Variants in MARCHF7 observed in about 807,000 individuals in gnomAD.
The protein encoded by MARCHF7 is E3 ubiquitin-protein ligase MARCHF7.
Under a neutral mutation model 76.5 loss-of-function variants are expected in MARCHF7, and 20 were observed. The ratio of observed to expected loss-of-function variants is 0.26; its 90% CI spans 0.18 to 0.38. The LOEUF is 0.38. MARCHF7 is among the 10% of genes least tolerant of loss of function. The probability of loss-of-function intolerance (pLI) is 1.00; values close to 1 mark genes in which losing one functional copy is unlikely to be tolerated. For missense variants in MARCHF7, 797 were observed against 812.9 expected (o/e 0.98, Z 0.24); for synonymous variants, 295 against 293.0 (o/e 1.01, Z -0.07).
At chr2:159,733,420 T>A in intron 4 of MARCHF7, 1 of 629,130 alleles carries the variant, frequency 1.6e-6, no homozygotes, top group Non-Finnish European at 2.0e-6. Flanking sequence ...AAATTTTTTG[T>A]AGATGTGAAG....
At chr2:159,737,262 A>C (rs1703569552) in intron 4 of MARCHF7, among the ~76,000 whole-genome samples, 1 of 152,222 alleles carries the variant, frequency 6.6e-6, no homozygotes, top group African/African-American at 2.4e-5. Context: ...ATATTTGCAA[A>C]GTATATATCT....
At chr2:159,749,349 TTTGTTGTTG>T (rs1553783667) in intron 7 of MARCHF7, among the ~76,000 whole-genome samples, 1 of 151,368 alleles carries the variant, frequency 6.6e-6, no homozygotes, top group African/African-American at 2.4e-5. Context: ...TTTGTTTTTT[TTTGTTGTTG>T]TTGTTGTTGT....
rs1366336059 is a variant in MARCHF7, at chr2:159,768,583, T to G, written c.*1241T>G. 1 of 152,626 alleles carries G rather than the reference T, an allele frequency of 6.6e-6. No individual in the cohort carries two copies. The highest frequency in any genetic ancestry group is 2.4e-5 in the African/African-American group (1 of 41,468). The allele number at this position is 152,626 out of a possible 1,614,324, so 9.5% of individuals were successfully genotyped here. A position where few individuals can be genotyped will look rare whatever the true frequency, so the allele number is the denominator to read the frequency against. On this transcript the variant is annotated 3_prime_UTR_variant, in exon 12 of 12. Transcript: ENST00000409175. Reference sequence around the variant, plus strand: ...AGTACACACTGATTTATTTTACTGTTTGAAATGTTTCCTTTTAAACTGGTG... The same window carrying G: ...AGTACACACTGATTTATTTTACTGTGTGAAATGTTTCCTTTTAAACTGGTG...
chr2:159,748,114 G>C lies in MARCHF7; in HGVS notation c.824G>C (p.Gly275Ala). Residue 275 changes from glycine to alanine, a missense_variant, in exon 7 of 12, where the codon GGT (glycine) becomes GCT (alanine). By Grantham distance (60) the Gly-to-Ala change is moderately conservative. Transcript: ENST00000409175. Reference protein sequence around the residue: ...RPFQESSDNEGRRTTRRLLSR... With the variant: ...RPFQESSDNEARRTTRRLLSR... ...TTTCAAGAATCTTCTGACAATGAAG[G>C]TAGGCGGACAACGAGGAGATTGCTG... is the stretch of plus-strand genomic sequence containing the variant. The C allele has an allele frequency of 1.9e-6, 3 of 1,613,924 alleles. No individual in the cohort carries two copies. In the African/African-American group the frequency reaches 4.0e-5, roughly 22 times the overall value.
intron 4 of MARCHF7, among the ~76,000 whole-genome samples, chr2:159,742,138 G>A (rs1704199015): frequency 6.6e-6 from 1 of 152,092 alleles, no homozygotes; most frequent in Non-Finnish European, 1.5e-5. Flanking sequence ...TTGTTTACAA[G>A]CTTTATTTTG....
Position 159,748,012 on chromosome 2 carries a change from G to T in MARCHF7, c.722G>T (p.Gly241Val). 6.2e-7 allele frequency: 1 copy of T among 1,614,108 alleles called. No individual in the cohort carries two copies. Among genetic ancestry groups the T allele is most frequent in the Non-Finnish European group, 8.5e-7 (1 of 1,180,014 alleles). Residue 241 changes from glycine (G) to valine (V), a missense_variant, in exon 7 of 12, where the codon GGA becomes GTA. Physicochemically the swap from Gly to Val is moderately radical, Grantham distance 109. Around this residue, in one of 3 missense-constraint regions of MARCHF7, gnomAD observed 643 missense variants for 631.5 expected, o/e 1.02. Coordinates refer to ENST00000409175, the MANE Select transcript of MARCHF7 (RefSeq NM_001282805.2). ...SESSRSNTQP[G>V]FSYSSSRDEA... ...TCTTCCCGAAGCAATACGCAGCCTG[G>T]ATTTTCTTACAGTTCAAGTAGAGAT...
intron 4 of MARCHF7, among the ~76,000 whole-genome samples, 173 bp downstream of exon 4, chr2:159,729,348 A>G (rs1702513200): frequency 1.3e-5 from 2 of 152,168 alleles, no homozygotes; most frequent in Admixed American, 1.3e-4. Context: ...CTTCAGAATT[A>G]TGGATAACAG....
At chr2:159,745,285 A>C (rs1306164997) in intron 5 of MARCHF7, among the ~76,000 whole-genome samples, 3 of 152,218 alleles carry the variant, frequency 2.0e-5, no homozygotes, top group Admixed American at 6.5e-5. Flanking sequence ...ATAAGTGATT[A>C]GTTCATTTGT....
Position 159,759,308 on chromosome 2 carries a change from A to G in MARCHF7, c.1866A>G (p.Glu622=). Residue 622 remains glutamate, a synonymous_variant, in exon 9 of 12, where the codon GAA becomes GAG. Transcript: ENST00000409175. The part of the protein sequence containing the change: ...ELNLEDFDIH[E]LHRAHANEQA... ...ACCTGGAGGATTTTGATATTCATGA[A>G]CTACATAGAGCTCATGCAAATGAAC... 1 of 1,607,920 alleles carries G rather than the reference A, an allele frequency of 6.2e-7. No individual in the cohort carries two copies. Among genetic ancestry groups the G allele is most frequent in the Non-Finnish European group, 8.5e-7 (1 of 1,174,694 alleles).
intron 11 of MARCHF7, among the ~76,000 whole-genome samples, chr2:159,766,270 G>A (rs1429777792): frequency 1.3e-5 from 2 of 152,106 alleles, no homozygotes; most frequent in African/African-American, 4.8e-5. Context: ...ATTTCTCAGT[G>A]ATAGAGCATA....
At chr2:159,730,092 A>G (rs1172578798) in intron 4 of MARCHF7, among the ~76,000 whole-genome samples, 1 of 152,132 alleles carries the variant, frequency 6.6e-6, no homozygotes, top group East Asian at 1.9e-4. Flanking sequence ...TGTTTGAAAC[A>G]GGGTTTTGCT....
chr2:159,713,216 C>CG (rs1700479093), intron 1 of MARCHF7, among the ~76,000 whole-genome samples: 1 of 152,098 alleles, frequency 6.6e-6, no homozygotes, highest in African/African-American at 2.4e-5. Context: ...TTCTGCAACT[C>CG]GAAGTAGGTG....
chr2:159,728,776 G>C (rs1456636746), intron 3 of MARCHF7, among the ~76,000 whole-genome samples: 1 of 152,284 alleles, frequency 6.6e-6, no homozygotes, highest in Middle Eastern at 3.4e-3. Flanking sequence ...AGACCTCAGA[G>C]TTCTTCATTC....
chr2:159,720,942 C>G (rs1701568502), intron 3 of MARCHF7, among the ~76,000 whole-genome samples: 1 of 152,150 alleles, frequency 6.6e-6, no homozygotes. Context: ...TCTGCAACCT[C>G]TGCCTCCCGG....
intron 4 of MARCHF7, chr2:159,733,898 C>T: frequency 8.2e-7 from 1 of 1,213,448 alleles, no homozygotes; most frequent in Non-Finnish European, 1.0e-6. Context: ...AGCATTGTTT[C>T]TTTGGGAAAA....
chr2:159,764,210 TTTTGTG>T (rs752007811), intron 10 of MARCHF7, among the ~76,000 whole-genome samples: 4 of 103,326 alleles, frequency 3.9e-5, no homozygotes, highest in African/African-American at 1.1e-4. Flanking sequence ...TTCTTGGGAG[TTTTGTG>T]TGTGTGTGTG....
At chr2:159,726,771 C>T (rs1394977408) in intron 3 of MARCHF7, among the ~76,000 whole-genome samples, 3 of 152,086 alleles carry the variant, frequency 2.0e-5, no homozygotes, top group Non-Finnish European at 4.4e-5. Context: ...TCTTGTAAAA[C>T]CAAAATTTCA....
chr2:159,746,013 G>A (rs1704835184), intron 6 of MARCHF7, 76 bp downstream of exon 6: 2 of 1,123,552 alleles, frequency 1.8e-6, no homozygotes, highest in Non-Finnish European at 2.6e-6. Flanking sequence ...TAAAACAACA[G>A]TACAAAGGAG....
rs1707985622 is a variant in MARCHF7 at position 159,768,111 on chromosome 2, C to G, written c.*769C>G. The G allele has an allele frequency of 6.6e-6, 1 of 152,458 alleles. No individual in the cohort carries two copies. The highest frequency in any genetic ancestry group is 6.5e-5 in the Admixed American group (1 of 15,270). The allele number at this position is 152,458 out of a possible 1,614,324, so 9.4% of individuals were successfully genotyped here. A position where few individuals can be genotyped will look rare whatever the true frequency, so the allele number is the denominator to read the frequency against. On this transcript the variant is annotated 3_prime_UTR_variant, in exon 12 of 12. Coordinates refer to ENST00000409175, the MANE Select transcript of MARCHF7 (RefSeq NM_001282805.2). ...GCTATTTGGTTTAAAAAAATTATTG[C>G]AATCTCAAGTTAATGGAATATTTTT... is the stretch of plus-strand genomic sequence containing the variant.
Sources: gnomAD v4.1 joint callset for allele counts (sites outside exome capture counted in the v4.1 genomes callset) on GRCh38, gnomAD v4.1.1 for gene constraint, gnomAD v4.1.1 regional missense constraint, MANE v1.5 for transcripts, NCBI Gene and HGNC (gene_info 2026-07-23, HGNC 2026-07-21) for gene names.